Variants in CADPS observed in about 807,000 individuals in gnomAD.
CADPS encodes calcium dependent secretion activator, also known as calcium-dependent secretion activator 1.
A neutral mutation model predicts 167.3 loss-of-function variants in CADPS; 57 were observed. That is an observed-to-expected ratio of 0.34 (90% confidence interval 0.28 to 0.42). The LOEUF (loss-of-function observed/expected upper bound fraction) is 0.42. Ranked by LOEUF, CADPS falls within the 20% of genes least tolerant of loss-of-function variation. CADPS has a pLI of 1.00. For missense variants in CADPS, 1,414 were observed against 1,738.1 expected, an observed-to-expected ratio of 0.81 and a Z score of 3.32; for synonymous variants, 676 against 635.3, an observed-to-expected ratio of 1.06 and a Z score of -0.96.
intron 17 of CADPS, chr3:62,499,979 G>C (rs565482402): frequency 6.6e-6 from 1 of 152,278 alleles, no homozygotes; most frequent in South Asian, 2.1e-4. Flanking sequence ...AACTGAAAGT[G>C]TTGTATTTTT....
At chr3:62,633,183 A>G (rs1457851791) in intron 6 of CADPS, among the ~76,000 whole-genome samples, 2 of 152,130 alleles carry the variant, frequency 1.3e-5, no homozygotes, top group African/African-American at 4.8e-5. Context: ...TGGGAATGAA[A>G]AGGAGAGAGT....
intron 1 of CADPS, among the ~76,000 whole-genome samples, chr3:62,769,826 C>A (rs1449839363): frequency 6.6e-6 from 1 of 152,166 alleles, no homozygotes; most frequent in African/African-American, 2.4e-5. Flanking sequence ...ATACCACTCA[C>A]TTCCAGGCTG....
intron 1 of CADPS, among the ~76,000 whole-genome samples, chr3:62,826,113 G>C (rs146784564): frequency 4.1e-4 from 62 of 152,234 alleles, no homozygotes; most frequent in Middle Eastern, 3.4e-3. Context: ...AGAATTCTGA[G>C]GCAGGTGGTA....
At chr3:62,403,056 G>A (rs755639616) in intron 29 of CADPS, 25 bp downstream of exon 29, 11 of 1,423,994 alleles carry the variant, frequency 7.7e-6, no homozygotes, top group African/African-American at 2.8e-5. Context: ...TATTTGCAAA[G>A]AAGAATAATA....
chr3:62,545,114 G>C (rs1248199547), intron 11 of CADPS, among the ~76,000 whole-genome samples: 1 of 152,068 alleles, frequency 6.6e-6, no homozygotes, highest in Non-Finnish European at 1.5e-5. Flanking sequence ...AAAATACCCA[G>C]CTTTGGGGTT....
intron 5 of CADPS, among the ~76,000 whole-genome samples, chr3:62,649,569 T>TTG (rs2069518577): frequency 8.1e-6 from 1 of 122,762 alleles, no homozygotes; most frequent in Non-Finnish European, 1.7e-5. Flanking sequence ...TTTTTTTTTT[T>TTG]TTTTTTTTAA....
At chr3:62,594,717 G>A (rs560655045) in intron 6 of CADPS, among the ~76,000 whole-genome samples, 1 of 152,140 alleles carries the variant, frequency 6.6e-6, no homozygotes, top group South Asian at 2.1e-4. Flanking sequence ...CCTTGGGATA[G>A]AGACCTAGCT....
At chr3:62,636,395 G>C (rs966562384) in intron 6 of CADPS, among the ~76,000 whole-genome samples, 3 of 152,126 alleles carry the variant, frequency 2.0e-5, no homozygotes, top group African/African-American at 7.2e-5. Flanking sequence ...GCCTGAAATA[G>C]CTGCCTCATC....
chr3:62,415,997 G>C (rs1200781583), intron 28 of CADPS, among the ~76,000 whole-genome samples: 1 of 152,014 alleles, frequency 6.6e-6, no homozygotes, highest in East Asian at 1.9e-4. Flanking sequence ...ATTCAAAAGA[G>C]TCTTAACAAA....
intron 2 of CADPS, among the ~76,000 whole-genome samples, chr3:62,759,116 C>T (rs1176387328): frequency 1.3e-5 from 2 of 152,090 alleles, no homozygotes; most frequent in Non-Finnish European, 2.9e-5. Flanking sequence ...GGAGGATGGG[C>T]CCTGGTATTA....
chr3:62,777,970 C>G (rs530016683), intron 1 of CADPS, among the ~76,000 whole-genome samples: 1 of 152,320 alleles, frequency 6.6e-6, no homozygotes, highest in South Asian at 2.1e-4. Context: ...AGACTTTTCT[C>G]CACTCACAAA....
chr3:62,801,053 T>G (rs2152805207), intron 1 of CADPS, among the ~76,000 whole-genome samples: 1 of 152,284 alleles, frequency 6.6e-6, no homozygotes, highest in South Asian at 2.1e-4. Flanking sequence ...GTTTCCCCAC[T>G]TGCTAGTGTG....
At chr3:62,576,337 C>T (rs1408291944) in intron 8 of CADPS, among the ~76,000 whole-genome samples, 2 of 152,140 alleles carry the variant, frequency 1.3e-5, no homozygotes, top group African/African-American at 4.8e-5. Flanking sequence ...GCCTCAGTTT[C>T]CTTAGCTGTA....
intron 6 of CADPS, among the ~76,000 whole-genome samples, chr3:62,637,654 T>C (rs2066570200): frequency 6.6e-6 from 1 of 152,230 alleles, no homozygotes; most frequent in Admixed American, 6.5e-5. Context: ...TTAGATAGTT[T>C]TGTTGAATAT....
At chr3:62,868,367 C>G (rs183681163) in intron 1 of CADPS, among the ~76,000 whole-genome samples, 7 of 152,122 alleles carry the variant, frequency 4.6e-5, no homozygotes, top group Admixed American at 3.3e-4. Context: ...TATCTTGGAC[C>G]AATTTAGTTA....
At chr3:62,694,525 C>A (rs970239096) in intron 3 of CADPS, among the ~76,000 whole-genome samples, 1 of 152,008 alleles carries the variant, frequency 6.6e-6, no homozygotes, top group Non-Finnish European at 1.5e-5. Context: ...TTACATTAGA[C>A]CCCTTCCATC....
intron 29 of CADPS, among the ~76,000 whole-genome samples, chr3:62,400,387 A>C (rs947838196): frequency 2.7e-4 from 41 of 151,882 alleles, no homozygotes; most frequent in Admixed American, 2.4e-3. Flanking sequence ...ATTGAATATG[A>C]CCAGAAGCAT....
chr3:62,404,552 T>C lies in CADPS; in HGVS notation c.3778-1367A>G, dbSNP rs577579861. ...AAACGACACAGTCTCAGCCATGGCG[T>C]ACAGAAGCCCTCTTTGCAATCTTTC... On this transcript the variant is annotated intron_variant, in intron 28 of 29. Transcript: ENST00000383710. 3.9e-5 allele frequency: 6 copies of C among 152,324 alleles called. No individual in the cohort carries two copies. In the East Asian group the frequency reaches 9.7e-4, roughly 25 times the overall value. 9.4% of individuals were successfully genotyped at this position (152,324 alleles called of 1,614,324 possible). A position where few individuals can be genotyped will look rare whatever the true frequency, so the allele number is the denominator to read the frequency against.
At chr3:62,621,111 T>C (rs922010502) in intron 6 of CADPS, among the ~76,000 whole-genome samples, 1 of 152,218 alleles carries the variant, frequency 6.6e-6, no homozygotes, top group Non-Finnish European at 1.5e-5. Flanking sequence ...TAGGTTTTCC[T>C]GTAAAACTTC....
Sources: gnomAD v4.1 joint callset for allele counts (sites outside exome capture counted in the v4.1 genomes callset) on GRCh38, gnomAD v4.1.1 for gene constraint, MANE v1.5 for transcripts, NCBI Gene and HGNC (gene_info 2026-07-23, HGNC 2026-07-21) for gene names.